PTK2: variants seen among roughly 807,000 people sequenced by gnomAD.
PTK2 encodes protein tyrosine kinase 2.
Under a neutral mutation model 150.1 loss-of-function variants are expected in PTK2, and 45 were observed. That is an observed-to-expected ratio of 0.30 (90% CI 0.24 to 0.38). PTK2 has a LOEUF of 0.38. Among genes scored for constraint, PTK2 ranks in the 10% least tolerant of loss-of-function variants. The probability of loss-of-function intolerance (pLI) is 1.00; values close to 1 mark genes in which losing one functional copy is unlikely to be tolerated. For missense variants in PTK2, 919 were observed against 1,307.3 expected, an observed-to-expected ratio of 0.70 and a Z score of 4.58; for synonymous variants, 432 against 449.2, an observed-to-expected ratio of 0.96 and a Z score of 0.48.
chr8:140,816,123 CAAT>C (rs367950405), intron 10 of PTK2, among the ~76,000 whole-genome samples: 4 of 152,054 alleles, frequency 2.6e-5, no homozygotes, highest in Admixed American at 1.3e-4. Flanking sequence ...CCTGTTCAAT[CAAT>C]AATAAGGTTG....
intron 1 of PTK2, among the ~76,000 whole-genome samples, chr8:140,978,211 T>C (rs1238899371): frequency 6.6e-6 from 1 of 152,234 alleles, no homozygotes; most frequent in Non-Finnish European, 1.5e-5. Flanking sequence ...AAGGACTTCA[T>C]GTCTAAAACA....
chr8:140,686,932 A>G (rs750460307), intron 26 of PTK2: 9 of 497,220 alleles, frequency 1.8e-5, no homozygotes, highest in Non-Finnish European at 2.9e-5. Flanking sequence ...TGGCCCACCC[A>G]GTGCTGGAGA....
chr8:140,930,247 T>G (rs2100171217), intron 1 of PTK2, among the ~76,000 whole-genome samples: 1 of 152,220 alleles, frequency 6.6e-6, no homozygotes, highest in Admixed American at 6.5e-5. Flanking sequence ...CTGAAAATTT[T>G]TCACTGACAT....
At chr8:140,896,805 TA>T (rs1285214865) in intron 2 of PTK2, among the ~76,000 whole-genome samples, 1 of 61,852 alleles carries the variant, frequency 1.6e-5, no homozygotes, top group Non-Finnish European at 3.7e-5. Context: ...GGGGGGTGGG[TA>T]AAACATAAAC....
At chr8:141,000,039 A>G (rs535154711) in intron 1 of PTK2, among the ~76,000 whole-genome samples, 17 of 148,108 alleles carry the variant, frequency 1.1e-4, no homozygotes, top group African/African-American at 4.2e-4. Flanking sequence ...AAGAAACTTT[A>G]CCCTCACTGA....
chr8:140,748,054 G>A (rs2100060475), intron 17 of PTK2, among the ~76,000 whole-genome samples: 1 of 152,118 alleles, frequency 6.6e-6, no homozygotes, highest in African/African-American at 2.4e-5. Flanking sequence ...GGAGACTATG[G>A]TAACTGGGTG....
At chr8:140,739,437 G>A (rs923385023) in intron 20 of PTK2, among the ~76,000 whole-genome samples, 1 of 152,132 alleles carries the variant, frequency 6.6e-6, no homozygotes, top group Non-Finnish European at 1.5e-5. Flanking sequence ...ACAATTTACA[G>A]AAGAGATCCT....
chr8:140,811,756 G>T (rs766519872), intron 10 of PTK2, among the ~76,000 whole-genome samples: 1 of 152,142 alleles, frequency 6.6e-6, no homozygotes, highest in Non-Finnish European at 1.5e-5. Flanking sequence ...ACACTACAAA[G>T]ATTTCATAAT....
intron 4 of PTK2, among the ~76,000 whole-genome samples, chr8:140,866,833 T>G (rs140780841): frequency 6.6e-6 from 1 of 152,270 alleles, no homozygotes; most frequent in East Asian, 1.9e-4. Context: ...TGGCAGTCAA[T>G]GTCATAAAAA....
intron 2 of PTK2, among the ~76,000 whole-genome samples, chr8:140,900,769 G>C (rs1281211392): frequency 6.6e-6 from 1 of 151,690 alleles, no homozygotes; most frequent in Non-Finnish European, 1.5e-5. Flanking sequence ...ACATACACAA[G>C]TTGAAAAATA....
At chr8:140,804,299 AAGAT>A (rs1231432817) in intron 10 of PTK2, among the ~76,000 whole-genome samples, 1 of 151,958 alleles carries the variant, frequency 6.6e-6, no homozygotes, top group Non-Finnish European at 1.5e-5. Flanking sequence ...AAAAGAAAAA[AAGAT>A]AGAGTTGGGA....
chr8:140,899,414 G>T (rs1225629926), intron 2 of PTK2, among the ~76,000 whole-genome samples: 1 of 151,908 alleles, frequency 6.6e-6, no homozygotes, highest in Non-Finnish European at 1.5e-5. Flanking sequence ...TTGAAAAGCT[G>T]GAATAAATTG....
chr8:140,950,419 G>A (rs1023393185), intron 1 of PTK2, among the ~76,000 whole-genome samples: 2 of 152,238 alleles, frequency 1.3e-5, no homozygotes, highest in Admixed American at 6.5e-5. Flanking sequence ...TCCAGCTGCA[G>A]CCTTGCACAG....
intron 1 of PTK2, among the ~76,000 whole-genome samples, chr8:140,929,207 C>T (rs1038224354): frequency 1.3e-5 from 2 of 151,620 alleles, no homozygotes; most frequent in South Asian, 2.1e-4. Context: ...CCTCGTGATC[C>T]GCCCGCCTCG....
At chr8:140,830,329 G>C (rs1350987937) in intron 8 of PTK2, 143 bp downstream of exon 8, 12 of 598,250 alleles carry the variant, frequency 2.0e-5, no homozygotes, top group Non-Finnish European at 3.5e-5. Context: ...AATGTGACTA[G>C]AATAAATGTC....
chr8:140,966,360 TG>T (rs1273641776), intron 1 of PTK2, among the ~76,000 whole-genome samples: 1 of 152,238 alleles, frequency 6.6e-6, no homozygotes. Context: ...TTTTATTCTA[TG>T]TAGTTAAAGG....
At chr8:140,885,247 C>T (rs2100151844) in intron 3 of PTK2, among the ~76,000 whole-genome samples, 1 of 152,124 alleles carries the variant, frequency 6.6e-6, no homozygotes, top group South Asian at 2.1e-4. Flanking sequence ...GGTTATTTGT[C>T]AATTAAGGCT....
intron 4 of PTK2, among the ~76,000 whole-genome samples, chr8:140,873,234 T>C (rs2100143567): frequency 2.6e-5 from 4 of 152,182 alleles, no homozygotes; most frequent in Non-Finnish European, 5.9e-5. Flanking sequence ...ACATTCTCCC[T>C]AGCAGTGCAG....
intron 7 of PTK2, among the ~76,000 whole-genome samples, chr8:140,842,956 T>G (rs1350305138): frequency 6.6e-6 from 1 of 152,090 alleles, no homozygotes; most frequent in African/African-American, 2.4e-5. Context: ...TGTGTCTAGC[T>G]CTCCTGTTTC....
Sources: gnomAD v4.1 joint callset for allele counts (sites outside exome capture counted in the v4.1 genomes callset) on GRCh38, gnomAD v4.1.1 for gene constraint, MANE v1.5 for transcripts, NCBI Gene and HGNC (gene_info 2026-07-23, HGNC 2026-07-21) for gene names.